The following ROBO2 variants were observed in gnomAD, a reference collection of about 807,000 sequenced individuals.
ROBO2 encodes roundabout guidance receptor 2, also known as roundabout homolog 2.
Under a neutral mutation model 160.8 loss-of-function variants are expected in ROBO2, and 53 were observed. That is an observed-to-expected ratio of 0.33 (90% CI 0.26 to 0.41). The LOEUF (loss-of-function observed/expected upper bound fraction) is 0.41, where lower values mean the gene tolerates loss of function less well. Among genes scored for constraint, ROBO2 ranks in the 10% least tolerant of loss-of-function variants. The probability of loss-of-function intolerance (pLI) is 1.00; values close to 1 mark genes in which losing one functional copy is unlikely to be tolerated. For missense variants in ROBO2, 1,577 were observed against 1,722.4 expected (o/e 0.92, Z 1.49); for synonymous variants, 664 against 611.7 (o/e 1.09, Z -1.26).
intron 2 of ROBO2, among the ~76,000 whole-genome samples, chr3:76,854,058 CT>C (rs1559605421): frequency 1.2e-5 from 1 of 85,490 alleles, no homozygotes; most frequent in Non-Finnish European, 2.5e-5. Flanking sequence ...CTCTCTCTCT[CT>C]CTCTCTCTTT....
chr3:76,889,572 A>T (rs1056178540), intron 2 of ROBO2, among the ~76,000 whole-genome samples: 1 of 152,204 alleles, frequency 6.6e-6, no homozygotes, highest in African/African-American at 2.4e-5. Flanking sequence ...ATAACATTGG[A>T]ATAATAATAT....
rs115274478 is a variant in ROBO2 at position 76,515,629 on chromosome 3, T to G, written c.109+578027T>G. ...CCTAAGCATATCTTTGCTCCTTTATTAACAACAGATAAAAATATGTATTGA... is the reference window on the plus strand; with the variant it reads ...CCTAAGCATATCTTTGCTCCTTTATGAACAACAGATAAAAATATGTATTGA... On this transcript the variant is annotated intron_variant, in intron 2 of 26. Transcript: ENST00000487694. Among the ~76,000 whole-genome samples, 572 of 152,314 alleles carry G rather than the reference T, an allele frequency of 3.8e-3. 5 individuals are homozygous for G. Among genetic ancestry groups the G allele is most frequent in the African/African-American group, 0.013 (551 of 41,572 alleles).
intron 2 of ROBO2, among the ~76,000 whole-genome samples, chr3:77,410,614 CCTTCTT>C (rs796803077): frequency 0.037 from 2,188 of 58,574 alleles, no homozygotes; most frequent in East Asian, 0.074. Context: ...TCCTCTTCCT[CCTTCTT>C]CTCCTCCTCT....
At chr3:76,495,557 TG>T (rs1219225670) in intron 2 of ROBO2, among the ~76,000 whole-genome samples, 1 of 151,926 alleles carries the variant, frequency 6.6e-6, no homozygotes. Flanking sequence ...GTATTATTTT[TG>T]TTCTGGATCA....
chr3:76,224,180 G>A (rs1213649281), intron 2 of ROBO2, among the ~76,000 whole-genome samples: 1 of 152,132 alleles, frequency 6.6e-6, no homozygotes, highest in African/African-American at 2.4e-5. Flanking sequence ...TACCAAGAGG[G>A]GTTCTAGAAG....
chr3:76,112,444 T>C (rs2070276368), intron 2 of ROBO2, among the ~76,000 whole-genome samples: 1 of 152,092 alleles, frequency 6.6e-6, no homozygotes, highest in Non-Finnish European at 1.5e-5. Flanking sequence ...AACTGAATAA[T>C]ATTATCAATT....
chr3:76,688,499 A>G (rs1475228746), intron 2 of ROBO2, among the ~76,000 whole-genome samples: 4 of 151,938 alleles, frequency 2.6e-5, no homozygotes, highest in Non-Finnish European at 5.9e-5. Context: ...TAAACGTTGA[A>G]TATTTAGTAA....
chr3:77,072,210 T>A (rs1333821400), intron 1 of ROBO2, among the ~76,000 whole-genome samples: 1 of 151,772 alleles, frequency 6.6e-6, no homozygotes, highest in Non-Finnish European at 1.5e-5. Flanking sequence ...CTGTCTCCCA[T>A]CCCCCCAGAT....
chr3:77,027,335 A>G (rs553335142), intron 2 of ROBO2, among the ~76,000 whole-genome samples: 9 of 152,300 alleles, frequency 5.9e-5, no homozygotes, highest in South Asian at 2.1e-4. Context: ...TTAGGCCTCT[A>G]TTCTAAAGCT....
intron 2 of ROBO2, among the ~76,000 whole-genome samples, chr3:76,936,552 A>G (rs573341916): frequency 4.7e-4 from 72 of 152,084 alleles, no homozygotes; most frequent in Admixed American, 1.0e-3. Flanking sequence ...AGGTATTAAA[A>G]GCAAGGACTG....
At chr3:76,348,712 C>T (rs1343355116) in intron 2 of ROBO2, among the ~76,000 whole-genome samples, 3 of 152,122 alleles carry the variant, frequency 2.0e-5, no homozygotes, top group African/African-American at 4.8e-5. Flanking sequence ...CCCCTTCCTC[C>T]TTTCAGCACT....
At chr3:76,161,299 T>C (rs534565228) in intron 2 of ROBO2, among the ~76,000 whole-genome samples, 3 of 152,312 alleles carry the variant, frequency 2.0e-5, no homozygotes, top group South Asian at 4.1e-4. Context: ...AACAACTCTT[T>C]ATAAATGTCC....
At chr3:76,181,331 A>C (rs1169535719) in intron 2 of ROBO2, among the ~76,000 whole-genome samples, 1 of 152,148 alleles carries the variant, frequency 6.6e-6, no homozygotes, top group African/African-American at 2.4e-5. Context: ...TTTAATTTCA[A>C]TTGTAATTGT....
intron 2 of ROBO2, among the ~76,000 whole-genome samples, chr3:77,208,873 T>A (rs149538695): frequency 1.1e-4 from 16 of 152,234 alleles, no homozygotes; most frequent in Admixed American, 3.3e-4. Context: ...GCTGTGTAGG[T>A]TAAAACCTTA....
intron 2 of ROBO2, among the ~76,000 whole-genome samples, chr3:76,214,880 A>T (rs922143149): frequency 2.0e-5 from 3 of 152,020 alleles, no homozygotes; most frequent in Non-Finnish European, 2.9e-5. Flanking sequence ...TGGGTCCCTG[A>T]CTCCCGAGTA....
chr3:77,235,617 G>T (rs1483622256), intron 2 of ROBO2, among the ~76,000 whole-genome samples: 5 of 152,056 alleles, frequency 3.3e-5, no homozygotes, highest in African/African-American at 7.2e-5. Flanking sequence ...TAAAGAGAAA[G>T]TCTCAGATAT....
chr3:77,168,341 T>G (rs915410364), intron 2 of ROBO2, among the ~76,000 whole-genome samples: 2 of 152,204 alleles, frequency 1.3e-5, no homozygotes, highest in African/African-American at 4.8e-5. Context: ...CAGTTAAAAA[T>G]GAATGTCACT....
chr3:77,315,040 C>T (rs1198170430), intron 2 of ROBO2, among the ~76,000 whole-genome samples: 1 of 151,986 alleles, frequency 6.6e-6, no homozygotes, highest in Non-Finnish European at 1.5e-5. Flanking sequence ...GAAAATAAAA[C>T]AATGTGGTAT....
chr3:76,439,832 G>A lies in ROBO2; in HGVS notation c.109+502230G>A, dbSNP rs150659404. ...TTCCTCCTACCCTCTTTCTTTTGCCGTTGACTTGAGGGGATGTAGTCTTCA... is the reference window on the plus strand; with the variant it reads ...TTCCTCCTACCCTCTTTCTTTTGCCATTGACTTGAGGGGATGTAGTCTTCA... On this transcript the variant is annotated intron_variant, in intron 2 of 26. Coordinates refer to the ROBO2 transcript ENST00000487694. Among the ~76,000 whole-genome samples, 183 of 152,158 alleles carry A rather than the reference G, an allele frequency of 1.2e-3. 3 individuals are homozygous for A. Among genetic ancestry groups the A allele is most frequent in the Admixed American group, 2.6e-3 (40 of 15,262 alleles).
Sources: allele counts gnomAD v4.1 joint callset (sites outside exome capture counted in the v4.1 genomes callset), GRCh38; gene constraint gnomAD v4.1.1; transcripts MANE v1.5; gene names NCBI Gene and HGNC (gene_info 2026-07-23, HGNC 2026-07-21).